Variants in FRMPD1 observed in about 807,000 individuals in gnomAD.
The protein encoded by FRMPD1 is FERM and PDZ domain-containing protein 1.
In FRMPD1, 76 loss-of-function variants were observed where a neutral mutation model predicts 117.8. The ratio of observed to expected loss-of-function variants is 0.65; its 90% CI spans 0.54 to 0.78. FRMPD1 has a LOEUF of 0.78. FRMPD1 is among the 30% of genes least tolerant of loss of function. FRMPD1 has a pLI of 0.00. For synonymous variants in FRMPD1, 783 were observed against 770.4 expected, an observed-to-expected ratio of 1.02 and a Z score of -0.27; for missense variants, 1,786 against 1,964.5, an observed-to-expected ratio of 0.91 and a Z score of 1.72.
At chr9:37,687,679 A>T (rs1821996757) in intron 1 of FRMPD1, among the ~76,000 whole-genome samples, 1 of 152,220 alleles carries the variant, frequency 6.6e-6, no homozygotes, top group South Asian at 2.1e-4. Flanking sequence ...GTTCTTGGCA[A>T]AGGAACATTA....
At chr9:37,739,595 T>G (rs1043284563) in intron 14 of FRMPD1, among the ~76,000 whole-genome samples, 3 of 152,098 alleles carry the variant, frequency 2.0e-5, no homozygotes, top group African/African-American at 7.2e-5. Flanking sequence ...GTCATAAAAT[T>G]GCTAAAAATA....
chr9:37,718,968 C>G, intron 5 of FRMPD1, 101 bp from the exon 6 acceptor site: 1 of 711,770 alleles, frequency 1.4e-6, no homozygotes, highest in East Asian at 2.7e-5. Context: ...ATTGAATCTG[C>G]AACAGCTATC....
intron 1 of FRMPD1, among the ~76,000 whole-genome samples, chr9:37,675,191 G>A (rs912520671): frequency 1.3e-5 from 2 of 152,142 alleles, no homozygotes; most frequent in African/African-American, 4.8e-5. Context: ...GGGAGGCTGA[G>A]GTGGTTGGAT....
intron 6 of FRMPD1, among the ~76,000 whole-genome samples, chr9:37,723,722 G>A (rs1340095848): frequency 9.9e-5 from 15 of 152,206 alleles, no homozygotes. Flanking sequence ...GCTGGGCACA[G>A]TGGCTTAGGC....
At chr9:37,693,917 G>A (rs1822233693) in intron 2 of FRMPD1, among the ~76,000 whole-genome samples, 1 of 152,132 alleles carries the variant, frequency 6.6e-6, no homozygotes, top group Non-Finnish European at 1.5e-5. Flanking sequence ...CTAGAGTCAG[G>A]ATGAATTTCT....
At position 37,651,416 on chromosome 9, in the gene FRMPD1, A is replaced by G. The variant is rs530945832; in HGVS notation, c.-5+322A>G. On this transcript the variant is annotated intron_variant, in intron 1 of 15. Coordinates refer to ENST00000377765, the MANE Select transcript of FRMPD1 (RefSeq NM_014907.3). Reference sequence around the variant, plus strand: ...TCAGGTGCGGCCGCGGCCAGCGCCAACTTTCTGAGTGACCTCAGACCAACC... The same window carrying G: ...TCAGGTGCGGCCGCGGCCAGCGCCAGCTTTCTGAGTGACCTCAGACCAACC... Among the ~76,000 whole-genome samples, 18 of 152,344 alleles carry G rather than the reference A, an allele frequency of 1.2e-4. No individual in the cohort carries two copies. The South Asian group carries it at 3.5e-3, about 30-fold the overall frequency.
At chr9:37,708,713 A>T (rs1417866729) in intron 4 of FRMPD1, among the ~76,000 whole-genome samples, 1 of 152,170 alleles carries the variant, frequency 6.6e-6, no homozygotes, top group Non-Finnish European at 1.5e-5. Context: ...CCTACAAAAG[A>T]GCTTGGGAGG....
chr9:37,712,222 T>G (rs546278999), intron 5 of FRMPD1, among the ~76,000 whole-genome samples: 29 of 152,220 alleles, frequency 1.9e-4, no homozygotes, highest in Admixed American at 3.9e-4. Context: ...TAATAACTAT[T>G]AAAAATTCAA....
chr9:37,676,617 G>A (rs772236774), intron 1 of FRMPD1, among the ~76,000 whole-genome samples: 3 of 152,186 alleles, frequency 2.0e-5, no homozygotes, highest in African/African-American at 4.8e-5. Context: ...GGGAGAAGAG[G>A]TTTCCGGATA....
the FRMPD1 span, among the ~76,000 whole-genome samples, chr9:37,633,252 G>C: frequency 5.3e-3 from 801 of 152,078 alleles, 6 homozygotes; most frequent in African/African-American, 0.019. Flanking sequence ...TGTTGGTCAG[G>C]CTGGTCTGGA....
intron 1 of FRMPD1, among the ~76,000 whole-genome samples, chr9:37,682,487 G>A (rs936394082): frequency 3.3e-5 from 5 of 152,214 alleles, no homozygotes; most frequent in African/African-American, 1.2e-4. Flanking sequence ...AAAATGCAAT[G>A]TTAAGATAAA....
chr9:37,643,772 T>C, the FRMPD1 span, among the ~76,000 whole-genome samples: 3,262 of 152,238 alleles, frequency 0.021, 44 homozygotes, highest in Non-Finnish European at 0.033. Flanking sequence ...GGTACAATAG[T>C]TCAGCGATCA....
chr9:37,682,959 G>T (rs1821779802), intron 1 of FRMPD1, among the ~76,000 whole-genome samples: 1 of 152,140 alleles, frequency 6.6e-6, no homozygotes, highest in Non-Finnish European at 1.5e-5. Context: ...ACAAAATTGT[G>T]CAGCTATCAC....
At chr9:37,689,451 G>T (rs1822058465) in intron 1 of FRMPD1, among the ~76,000 whole-genome samples, 1 of 152,084 alleles carries the variant, frequency 6.6e-6, no homozygotes, top group African/African-American at 2.4e-5. Flanking sequence ...GCCTCTCAGT[G>T]AAATTTTCTA....
intron 1 of FRMPD1, among the ~76,000 whole-genome samples, chr9:37,676,902 C>G (rs10511938): frequency 0.16 from 24,580 of 152,146 alleles, 2,699 homozygotes; most frequent in East Asian, 0.47. Context: ...GGCTTGTCTT[C>G]TCTATAACAC....
Position 37,746,068 on chromosome 9 carries a change from G to C in FRMPD1, c.4036G>C (p.Gly1346Arg). Reference sequence around the variant, plus strand: ...GTTCTCCTATGCCACATGCTTCCGTGGCCCGCAGCCTGAGACAGAGGAAGA... The same window carrying C: ...GTTCTCCTATGCCACATGCTTCCGTCGCCCGCAGCCTGAGACAGAGGAAGA... The part of the protein sequence containing the change: ...CQFSYATCFR[G>R]PQPETEEEDR... The change falls in exon 16 of 16, where the codon GGC (glycine) becomes CGC (arginine). Residue 1346 changes from glycine (G) to arginine (R), a missense_variant. By Grantham distance (125) the Gly-to-Arg change is moderately radical. Transcript: ENST00000377765. The C allele has an allele frequency of 6.2e-7, 1 of 1,614,214 alleles. No individual in the cohort carries two copies.
At chr9:37,708,360 C>G in intron 3 of FRMPD1, 39 bp from the exon 4 acceptor site, 1 of 1,289,978 alleles carries the variant, frequency 7.8e-7, no homozygotes, top group Non-Finnish European at 1.1e-6. Flanking sequence ...TCTGGGTCCT[C>G]CCGGCATGAG....
At chr9:37,625,124 T>C in the FRMPD1 span, among the ~76,000 whole-genome samples, 1 of 152,244 alleles carries the variant, frequency 6.6e-6, no homozygotes, top group Non-Finnish European at 1.5e-5. Flanking sequence ...ATGGGATTTC[T>C]CATCTGAATG....
At chr9:37,699,478 C>A (rs1822457454) in intron 2 of FRMPD1, among the ~76,000 whole-genome samples, 1 of 151,800 alleles carries the variant, frequency 6.6e-6, no homozygotes, top group Admixed American at 6.6e-5. Context: ...CGCCACCACG[C>A]CTAGCTAATT....
Sources: gnomAD v4.1 joint callset for allele counts (sites outside exome capture counted in the v4.1 genomes callset) on GRCh38, gnomAD v4.1.1 for gene constraint, MANE v1.5 for transcripts, NCBI Gene and HGNC (gene_info 2026-07-23, HGNC 2026-07-21) for gene names.